Variants in BTN3A2 observed in about 807,000 individuals in gnomAD.
BTN3A2 encodes butyrophilin subfamily 3 member A2.
BTN3A2 carries 25 observed loss-of-function variants against 37.6 expected under a neutral mutation model. The observed-to-expected ratio is 0.66, with a 90% CI of 0.48 to 0.93. The LOEUF is 0.93. BTN3A2 is among the 40% of genes least tolerant of loss of function. The pLI, the probability that BTN3A2 is intolerant of heterozygous loss-of-function variation, is 0.00. For missense variants in BTN3A2, 266 were observed against 410.9 expected, an observed-to-expected ratio of 0.65 and a Z score of 3.05; for synonymous variants, 122 against 159.4, an observed-to-expected ratio of 0.77 and a Z score of 1.77.
In BTN3A2 at chr6:26,375,933, A is replaced by T. The variant is rs1985732; in HGVS notation, c.*171A>T. 3.5e-4 allele frequency: 495 copies of T among 1,401,070 alleles called. 1 individual carries two copies. Among genetic ancestry groups the T allele is most frequent in the Admixed American group, 2.1e-3 (105 of 48,934 alleles). The allele number at this position is 1,401,070 out of a possible 1,614,324, so 86.8% of individuals were successfully genotyped here. On this transcript the variant is annotated 3_prime_UTR_variant, in exon 11 of 11. Coordinates refer to ENST00000377708, the MANE Select transcript of BTN3A2 (RefSeq NM_007047.5). ...TGAAAATTAACCTCTGAGGGCCAGC[A>T]CAGCAGCTCATGCCTGTAATCCTAG...
Position 26,377,361 on chromosome 6 carries a change from T to C in BTN3A2, c.*1599T>C, listed in dbSNP as rs983564611. 4 of 596,032 alleles carry C rather than the reference T, an allele frequency of 6.7e-6. No homozygotes were observed. In the African/African-American group the frequency reaches 7.4e-5, roughly 11 times the overall value. 36.9% of individuals were successfully genotyped at this position (596,032 alleles called of 1,614,324 possible). A position where few individuals can be genotyped will look rare whatever the true frequency, so the allele number is the denominator to read the frequency against. ...TTGTTTGAGTTTGGTGCCACCTTAT[T>C]GGCCCCTTTATACAGATAAGGAAAC... On this transcript the variant is annotated 3_prime_UTR_variant, in exon 11 of 11. Transcript: ENST00000377708.
At chr6:26,368,488 C>T in intron 3 of BTN3A2, 77 bp from the exon 4 acceptor site, 3 of 1,608,912 alleles carry the variant, frequency 1.9e-6, no homozygotes, top group Non-Finnish European at 2.6e-6. Flanking sequence ...TCTCGCCTTC[C>T]CTGTCTGAGA....
intron 4 of BTN3A2, among the ~76,000 whole-genome samples, chr6:26,369,515 G>T (rs549887468): frequency 6.6e-6 from 1 of 152,270 alleles, no homozygotes; most frequent in South Asian, 2.1e-4. Flanking sequence ...TTAGCCCTCT[G>T]CTCTGGATGA....
At chr6:26,366,866 T>C (rs1759559920) in intron 1 of BTN3A2, among the ~76,000 whole-genome samples, 1 of 152,260 alleles carries the variant, frequency 6.6e-6, no homozygotes, top group African/African-American at 2.4e-5. Context: ...TAGTATTTAC[T>C]GAGCAGCTAA....
In BTN3A2 at chr6:26,367,978, T is replaced by C. The variant is rs1205551305; in HGVS notation, c.-66-12T>C. ...AGATGTCCTGATCAGATAACAGATA[T>C]TATTTTTACAGATGGTTTTCCATAC... On this transcript the variant is annotated splice_polypyrimidine_tract_variant and intron_variant, in intron 1 of 10. Coordinates refer to ENST00000377708, the MANE Select transcript of BTN3A2 (RefSeq NM_007047.5). 12 of 1,297,930 alleles carry C rather than the reference T, an allele frequency of 9.2e-6. No homozygotes were observed. The highest frequency in any genetic ancestry group is 1.5e-5 in the African/African-American group (1 of 66,752). The allele number at this position is 1,297,930 out of a possible 1,614,324, so 80.4% of individuals were successfully genotyped here.
At position 26,373,060 on chromosome 6, in the gene BTN3A2, G is replaced by A. The variant is rs754362000; in HGVS notation, c.879G>A (p.Met293Ile). The A allele has an allele frequency of 6.2e-7, 1 of 1,614,130 alleles. No homozygotes were observed. Among genetic ancestry groups the A allele is most frequent in the Admixed American group, 1.7e-5 (1 of 60,012 alleles). ...EIESEQEMKE[M>I]GYAATEREIS... ...AAAGTGAGCAAGAGATGAAAGAAATGGGATATGCTGCAACAGAGCGGGAAA... is the reference window on the plus strand; with the variant it reads ...AAAGTGAGCAAGAGATGAAAGAAATAGGATATGCTGCAACAGAGCGGGAAA... The change falls in exon 6 of 11, where the codon ATG becomes ATA. Residue 293 changes from methionine to isoleucine, a missense_variant. Coordinates refer to ENST00000377708, the MANE Select transcript of BTN3A2 (RefSeq NM_007047.5).
rs1760726304 is a variant in BTN3A2 at position 26,376,529 on chromosome 6, GA to G, written c.*772del. ...TGCATGCTGTGGCTCTTAAATCCAG[GA>G]AAAATGGCTGACCCCATGGACACCT... On this transcript the variant is annotated 3_prime_UTR_variant, in exon 11 of 11. Coordinates refer to ENST00000377708, the MANE Select transcript of BTN3A2 (RefSeq NM_007047.5). 7 of 1,335,082 alleles carry G rather than the reference GA, an allele frequency of 5.2e-6. No individual in the cohort carries two copies. Among genetic ancestry groups the G allele is most frequent in the Admixed American group, 2.4e-5 (1 of 41,648 alleles). 82.7% of individuals were successfully genotyped at this position (1,335,082 alleles called of 1,614,324 possible).
chr6:26,374,987 T>A, intron 10 of BTN3A2, 189 bp downstream of exon 10: 1 of 508,792 alleles, frequency 2.0e-6, no homozygotes, highest in Non-Finnish European at 3.3e-6. Context: ...GCAGGGAGAG[T>A]GAGGATGGAA....
At position 26,374,753 on chromosome 6, in the gene BTN3A2, G is replaced by C. The variant is rs1561810624; in HGVS notation, c.*7-18G>C. 7 of 1,529,778 alleles carry C rather than the reference G, an allele frequency of 4.6e-6. No homozygotes were observed. The South Asian group carries it at 5.6e-5, about 12-fold the overall frequency. The allele number at this position is 1,529,778 out of a possible 1,614,324, so 94.8% of individuals were successfully genotyped here. ...AAAAATACTGACCTTTTTCTTATCT[G>C]TGTCTCCTTCCTTTCAGAATGGAAA... On this transcript the variant is annotated intron_variant, in intron 9 of 10. Coordinates refer to ENST00000377708, the MANE Select transcript of BTN3A2 (RefSeq NM_007047.5).
Position 26,374,390 on chromosome 6 carries a change from A to G in BTN3A2, c.*6+17A>G. 1.2e-6 allele frequency: 2 copies of G among 1,610,994 alleles called. No individual in the cohort carries two copies. Among genetic ancestry groups the G allele is most frequent in the South Asian group, 2.2e-5 (2 of 91,022 alleles). On this transcript the variant is annotated intron_variant, in intron 9 of 10. Coordinates refer to ENST00000377708, the MANE Select transcript of BTN3A2 (RefSeq NM_007047.5). ...TGATGCTCTGTAAGTTTGCTGGGTC[A>G]CATGCCCTGAATATTTCAACTTTTT...
In BTN3A2 at chr6:26,377,242, G is replaced by C; in HGVS notation, c.*1480G>C. 1 of 911,550 alleles carries C rather than the reference G, an allele frequency of 1.1e-6. No homozygotes were observed. Among genetic ancestry groups the C allele is most frequent in the East Asian group, 2.4e-5 (1 of 40,826 alleles). 56.5% of individuals were successfully genotyped at this position (911,550 alleles called of 1,614,324 possible). On this transcript the variant is annotated 3_prime_UTR_variant, in exon 11 of 11. Coordinates refer to ENST00000377708, the MANE Select transcript of BTN3A2 (RefSeq NM_007047.5). ...CTCCCTGCCCAGCCTGGAGCTAAGGGTCTCACCCTCCACAACAGCCAGTCA... is the reference window on the plus strand; with the variant it reads ...CTCCCTGCCCAGCCTGGAGCTAAGGCTCTCACCCTCCACAACAGCCAGTCA...
In BTN3A2 at chr6:26,376,546, A is replaced by G; in HGVS notation, c.*784A>G. The stretch of plus-strand genomic sequence containing the variant: ...AAATCCAGGAAAAATGGCTGACCCC[A>G]TGGACACCTCCTCAAACTCTCTGCA... On this transcript the variant is annotated 3_prime_UTR_variant, in exon 11 of 11. Transcript: ENST00000377708. The G allele has an allele frequency of 2.2e-6, 3 of 1,365,338 alleles. No individual in the cohort carries two copies. Among genetic ancestry groups the G allele is most frequent in the Non-Finnish European group, 3.0e-6 (3 of 1,003,762 alleles). 84.6% of individuals were successfully genotyped at this position (1,365,338 alleles called of 1,614,324 possible).
At chr6:26,369,864 A>C (rs1281019890) in intron 4 of BTN3A2, among the ~76,000 whole-genome samples, 1 of 152,134 alleles carries the variant, frequency 6.6e-6, no homozygotes, top group African/African-American at 2.4e-5. Flanking sequence ...TCTCTTTCTC[A>C]GTGCAATCCC....
chr6:26,375,722 C>T, intron 10 of BTN3A2, 75 bp from the exon 11 acceptor site: 1 of 1,541,512 alleles, frequency 6.5e-7, no homozygotes. Flanking sequence ...CCTTCATGGC[C>T]TGCTGTGGGC....
In BTN3A2 at chr6:26,365,218, G is replaced by T; in HGVS notation, c.-201G>T. The T allele has an allele frequency of 7.9e-7, 1 of 1,267,100 alleles. No homozygotes were observed. The allele number at this position is 1,267,100 out of a possible 1,614,324, so 78.5% of individuals were successfully genotyped here. A position where few individuals can be genotyped will look rare whatever the true frequency, so the allele number is the denominator to read the frequency against. ...AGAGCGACTCTTACTGTTTCTCATG[G>T]TGAGAAGACAATATTTGCTTTCTCT... is the stretch of plus-strand genomic sequence containing the variant. On this transcript the variant is annotated 5_prime_UTR_variant, in exon 1 of 11. Transcript: ENST00000377708.
chr6:26,376,569 G>A lies in BTN3A2; in HGVS notation c.*807G>A, dbSNP rs1461785305. ...CCATGGACACCTCCTCAAACTCTCTGCAGCAGATGTAATTCTGTATCCAGA... is the reference window on the plus strand; with the variant it reads ...CCATGGACACCTCCTCAAACTCTCTACAGCAGATGTAATTCTGTATCCAGA... On this transcript the variant is annotated 3_prime_UTR_variant, in exon 11 of 11. Coordinates refer to ENST00000377708, the MANE Select transcript of BTN3A2 (RefSeq NM_007047.5). 1.4e-6 allele frequency: 2 copies of A among 1,394,796 alleles called. No individual in the cohort carries two copies. The highest frequency in any genetic ancestry group is 2.0e-6 in the Non-Finnish European group (2 of 1,021,036). The allele number at this position is 1,394,796 out of a possible 1,614,324, so 86.4% of individuals were successfully genotyped here.
At chr6:26,373,827 G>T (rs141128587) in intron 8 of BTN3A2, 22 of 185,092 alleles carry the variant, frequency 1.2e-4, no homozygotes, top group Admixed American at 6.1e-4. Flanking sequence ...AAAAGAGAGA[G>T]GGAGGGAGAA....
Position 26,375,813 on chromosome 6 carries a change from G to C in BTN3A2, c.*51G>C, listed in dbSNP as rs566221189. On this transcript the variant is annotated 3_prime_UTR_variant, in exon 11 of 11. Coordinates refer to ENST00000377708, the MANE Select transcript of BTN3A2 (RefSeq NM_007047.5). ...ATTTTTCAGGTGAGGAAATGCTTCA[G>C]ATGAGGCTCCACCTTGTTAAATAAA... 1.4e-4 allele frequency: 212 copies of C among 1,550,306 alleles called. No homozygotes were observed. The highest frequency in any genetic ancestry group is 1.7e-4 in the Non-Finnish European group (198 of 1,146,088).
At position 26,375,949 on chromosome 6, in the gene BTN3A2, G is replaced by A. The variant is rs1697605103; in HGVS notation, c.*187G>A. The A allele has an allele frequency of 1.3e-5, 17 of 1,283,862 alleles. No homozygotes were observed. Among genetic ancestry groups the A allele is most frequent in the Non-Finnish European group, 1.8e-5 (17 of 922,116 alleles). 79.5% of individuals were successfully genotyped at this position (1,283,862 alleles called of 1,614,324 possible). On this transcript the variant is annotated 3_prime_UTR_variant, in exon 11 of 11. Transcript: ENST00000377708. ...AGGGCCAGCACAGCAGCTCATGCCT[G>A]TAATCCTAGCACTTTGGAAGGCTGA...
Sources: gnomAD v4.1 joint callset for allele counts (sites outside exome capture counted in the v4.1 genomes callset) on GRCh38, gnomAD v4.1.1 for gene constraint, MANE v1.5 for transcripts, NCBI Gene and HGNC (gene_info 2026-07-23, HGNC 2026-07-21) for gene names.